The following RNF17 variants were observed in gnomAD, a reference collection of about 807,000 sequenced individuals.
RNF17 encodes spermatogenesis associated 23.
A neutral mutation model predicts 200.5 loss-of-function variants in RNF17; 31 were observed. That is an observed-to-expected ratio of 0.15 (90% CI 0.12 to 0.21). RNF17 has a LOEUF of 0.21. Among genes scored for constraint, RNF17 ranks in the 10% least tolerant of loss-of-function variants. RNF17 has a pLI of 1.00. For synonymous variants in RNF17, 606 were observed against 637.8 expected (o/e 0.95, Z 0.75); for missense variants, 1,628 against 1,905.1 (o/e 0.85, Z 2.71).
chr13:24,862,209 G>A (rs539359746), intron 27 of RNF17, among the ~76,000 whole-genome samples: 16 of 152,256 alleles, frequency 1.1e-4, no homozygotes, highest in East Asian at 5.8e-4. Context: ...TGATACTGCC[G>A]TCAAGATGTC....
chr13:24,765,818 A>T (rs773682842), intron 1 of RNF17, among the ~76,000 whole-genome samples: 3 of 152,180 alleles, frequency 2.0e-5, no homozygotes, highest in Non-Finnish European at 4.4e-5. Flanking sequence ...AAGTGTTTTT[A>T]TTTCTTTGGC....
intron 10 of RNF17, chr13:24,794,045 G>A (rs900172735): frequency 8.3e-6 from 3 of 361,344 alleles, no homozygotes; most frequent in South Asian, 6.4e-5. Context: ...TTGATACAAG[G>A]GATGTTGCCA....
At chr13:24,803,313 T>C (rs1885477528) in intron 14 of RNF17, among the ~76,000 whole-genome samples, 1 of 152,210 alleles carries the variant, frequency 6.6e-6, no homozygotes, top group African/African-American at 2.4e-5. Context: ...TTTTGTTTGT[T>C]TGAGACAGAG....
intron 5 of RNF17, 33 bp from the exon 6 acceptor site, chr13:24,781,811 A>G (rs1882409708): frequency 6.9e-7 from 1 of 1,457,782 alleles, no homozygotes; most frequent in Non-Finnish European, 9.2e-7. Context: ...AAATTCCCAA[A>G]TTAAGTTTTT....
Position 24,764,178 on chromosome 13 carries a change from G to T in RNF17, c.-26G>T. 4 of 1,569,364 alleles carry T rather than the reference G, an allele frequency of 2.5e-6. No individual in the cohort carries two copies. The South Asian group carries it at 3.4e-5, about 13-fold the overall frequency. ...AGGGCCGCCGGGACTCGCACTCGGC[G>T]GTTGTTCCAGAAGAAAGAGACAGCG... On this transcript the variant is annotated 5_prime_UTR_variant, in exon 1 of 36. Transcript: ENST00000255324.
chr13:24,754,895 T>C, the RNF17 span, among the ~76,000 whole-genome samples: 3 of 136,624 alleles, frequency 2.2e-5, no homozygotes, highest in Admixed American at 2.2e-4. Context: ...GACCCTGTCT[T>C]AAAAAAAAAA....
At chr13:24,772,574 A>G (rs1474589354) in intron 2 of RNF17, among the ~76,000 whole-genome samples, 1 of 151,842 alleles carries the variant, frequency 6.6e-6, no homozygotes. Context: ...AGATAACTCC[A>G]TTAAAAAGTG....
At position 24,788,210 on chromosome 13, in the gene RNF17, A is replaced by G. The variant is rs749419826; in HGVS notation, c.783+51A>G. The G allele has an allele frequency of 3.7e-6, 5 of 1,340,726 alleles. No homozygotes were observed. The East Asian group carries it at 9.6e-5, about 26-fold the overall frequency. The allele number at this position is 1,340,726 out of a possible 1,614,324, so 83.1% of individuals were successfully genotyped here. On this transcript the variant is annotated intron_variant, in intron 7 of 35. Coordinates refer to ENST00000255324, the MANE Select transcript of RNF17 (RefSeq NM_031277.3). ...TTATTTCTGTGGTAGCTTATTTTAC[A>G]TGCTTTGGAATATATTTAAGACAAG...
intron 15 of RNF17, among the ~76,000 whole-genome samples, chr13:24,805,186 T>G (rs960317022): frequency 6.6e-6 from 1 of 152,190 alleles, no homozygotes; most frequent in African/African-American, 2.4e-5. Context: ...TTTTGTTGAT[T>G]TTTTACAGCG....
the RNF17 span, among the ~76,000 whole-genome samples, chr13:24,749,465 A>G: frequency 6.6e-6 from 1 of 151,908 alleles, no homozygotes; most frequent in Non-Finnish European, 1.5e-5. Flanking sequence ...CACCACATCC[A>G]GCTGGCCTAG....
intron 15 of RNF17, among the ~76,000 whole-genome samples, chr13:24,823,759 G>A (rs751227071): frequency 9.2e-5 from 14 of 152,070 alleles, no homozygotes; most frequent in East Asian, 7.7e-4. Flanking sequence ...TCCTAATTTC[G>A]TAAAGATTCT....
chr13:24,795,895 C>T (rs527481380), intron 10 of RNF17, among the ~76,000 whole-genome samples: 2 of 152,190 alleles, frequency 1.3e-5, no homozygotes, highest in African/African-American at 2.4e-5. Flanking sequence ...ATTTATTTAG[C>T]GTATTTTGCA....
the RNF17 span, among the ~76,000 whole-genome samples, chr13:24,755,549 G>A: frequency 2.0e-5 from 3 of 152,252 alleles, no homozygotes; most frequent in African/African-American, 7.2e-5. Context: ...TTCTGGCTCT[G>A]CATCTTGAAA....
downstream of RNF17, chr13:24,884,040 G>A (rs1953938144): frequency 1.2e-6 from 2 of 1,613,802 alleles, no homozygotes; most frequent in Non-Finnish European, 1.7e-6. Flanking sequence ...TAACAGTCTG[G>A]TCAGGAAACG....
chr13:24,876,534 TCTCA>T (rs1215682920), intron 33 of RNF17, among the ~76,000 whole-genome samples: 3 of 152,248 alleles, frequency 2.0e-5, no homozygotes, highest in Non-Finnish European at 2.9e-5. Flanking sequence ...CATTTTACAT[TCTCA>T]CTAAGAGTGC....
intron 31 of RNF17, among the ~76,000 whole-genome samples, chr13:24,869,327 G>A (rs1309581453): frequency 2.6e-5 from 4 of 152,194 alleles, no homozygotes; most frequent in Admixed American, 2.6e-4. Flanking sequence ...GGAAGGATTT[G>A]CTTTCTAATT....
chr13:24,794,311 C>T (rs773115779), intron 10 of RNF17: 1 of 424,300 alleles, frequency 2.4e-6, no homozygotes, highest in South Asian at 1.7e-5. Flanking sequence ...TAGCTCTTAC[C>T]TAGTGTGAGG....
At chr13:24,859,423 C>G (rs12876959) in intron 26 of RNF17, among the ~76,000 whole-genome samples, 21,726 of 152,056 alleles carry the variant, frequency 0.14, 2,050 homozygotes, top group Admixed American at 0.26. Flanking sequence ...ATTGGTAGCC[C>G]TGTTTCCACA....
intron 22 of RNF17, among the ~76,000 whole-genome samples, chr13:24,848,247 C>CTTAGA (rs1891467234): frequency 6.6e-6 from 1 of 151,804 alleles, no homozygotes; most frequent in Non-Finnish European, 1.5e-5. Context: ...GGGACTCTAA[C>CTTAGA]CACTCTGTTT....
Sources: gnomAD v4.1 joint callset for allele counts (sites outside exome capture counted in the v4.1 genomes callset) on GRCh38, gnomAD v4.1.1 for gene constraint, MANE v1.5 for transcripts, NCBI Gene and HGNC (gene_info 2026-07-23, HGNC 2026-07-21) for gene names.